OR1L8: variants seen among roughly 807,000 people sequenced by gnomAD.
OR1L8 encodes the protein olfactory receptor family 1 subfamily L member 8.
For missense variants in OR1L8, 330 were observed against 377.4 expected (o/e 0.87, Z 1.04); for synonymous variants, 148 against 147.0 (o/e 1.01, Z -0.05).
intron 1 of OR1L8, among the ~76,000 whole-genome samples, chr9:122,582,842 T>C (rs1035394391): frequency 2.0e-5 from 3 of 151,996 alleles, no homozygotes; most frequent in Admixed American, 6.6e-5. Flanking sequence ...GGAGTACATA[T>C]ATATGAGAAC....
downstream of OR1L8, among the ~76,000 whole-genome samples, chr9:122,566,955 G>C (rs1411731866): frequency 6.6e-6 from 1 of 151,934 alleles, no homozygotes; most frequent in African/African-American, 2.4e-5. Flanking sequence ...TAAAATATAA[G>C]AGGAAATTAA....
chr9:122,581,307 A>G (rs1250663552), intron 1 of OR1L8, among the ~76,000 whole-genome samples: 1 of 152,122 alleles, frequency 6.6e-6, no homozygotes, highest in African/African-American at 2.4e-5. Flanking sequence ...CGGCGGTTGT[A>G]GTGAGCCGAG....
At chr9:122,573,710 G>A (rs1024648633) in intron 3 of OR1L8, among the ~76,000 whole-genome samples, 10 of 152,142 alleles carry the variant, frequency 6.6e-5, no homozygotes, top group Middle Eastern at 3.4e-3. Flanking sequence ...TTATTCTCTT[G>A]ACAGTGACTT....
the OR1L8 span, chr9:122,553,251 G>A: frequency 6.2e-7 from 1 of 1,613,888 alleles, no homozygotes; most frequent in Non-Finnish European, 8.5e-7. Flanking sequence ...CACTGTTTCA[G>A]ACTTCCTCCT....
chr9:122,565,190 G>A (rs1447803891), downstream of OR1L8, among the ~76,000 whole-genome samples: 1 of 152,148 alleles, frequency 6.6e-6, no homozygotes, highest in African/African-American at 2.4e-5. Flanking sequence ...ACACATTCTG[G>A]GTGATCAGGG....
At chr9:122,577,753 A>G (rs1185749597) in intron 2 of OR1L8, among the ~76,000 whole-genome samples, 2 of 152,204 alleles carry the variant, frequency 1.3e-5, no homozygotes, top group Non-Finnish European at 2.9e-5. Flanking sequence ...CACTTTAAGA[A>G]ATTTATCCAA....
the OR1L8 span, among the ~76,000 whole-genome samples, chr9:122,559,129 A>C: frequency 6.6e-6 from 1 of 152,032 alleles, no homozygotes; most frequent in Non-Finnish European, 1.5e-5. Flanking sequence ...GCTTTTGTAC[A>C]ATAGAACACC....
rs1283602132 is a variant in OR1L8, at chr9:122,567,523, T to TAG, written c.*24_*25insCT. 2 of 1,499,732 alleles carry TAG rather than the reference T, an allele frequency of 1.3e-6. No individual in the cohort carries two copies. Among genetic ancestry groups the TAG allele is most frequent in the East Asian group, 2.3e-5 (1 of 44,312 alleles). The allele number at this position is 1,499,732 out of a possible 1,614,324, so 92.9% of individuals were successfully genotyped here. ...ACGTCCAAGTTGAGCAGATTCCACT[T>TAG]ACGAGTTTTTCAAGAGGGTGCTTCC... On this transcript the variant is annotated 3_prime_UTR_variant, in exon 5 of 5. Transcript: ENST00000641027.
chr9:122,555,877 T>A, the OR1L8 span, among the ~76,000 whole-genome samples: 1 of 152,184 alleles, frequency 6.6e-6, no homozygotes, highest in Non-Finnish European at 1.5e-5. Context: ...CACTGACACA[T>A]CATCACCCAA....
Position 122,568,496 on chromosome 9 carries a change from A to T in OR1L8, c.-19T>A. ...TTTCCATTGACTTGGGCTCAGTTAT[A>T]AACAAGAAGTTTTGTCATTTAACAT... On this transcript the variant is annotated 5_prime_UTR_variant, in exon 5 of 5. An upstream open reading frame in the 5' UTR gains an earlier in-frame stop. Coordinates refer to ENST00000641027, the MANE Select transcript of OR1L8 (RefSeq NM_001004454.2). The T allele has an allele frequency of 6.9e-7, 1 of 1,458,112 alleles. No individual in the cohort carries two copies. Among genetic ancestry groups the T allele is most frequent in the Non-Finnish European group, 9.3e-7 (1 of 1,072,512 alleles). 90.3% of individuals were successfully genotyped at this position (1,458,112 alleles called of 1,614,324 possible).
Position 122,571,648 on chromosome 9 carries a change from G to A in OR1L8, c.-213+1132C>T, listed in dbSNP as rs151045230. ...GAAGAATCGCTTGAACCCGGGAGGC[G>A]GAGGTTGCAGTGAGCCAAGATTGCA... On this transcript the variant is annotated intron_variant, in intron 4 of 4. Coordinates refer to ENST00000641027, the MANE Select transcript of OR1L8 (RefSeq NM_001004454.2). 6.7e-3 allele frequency among the ~76,000 whole-genome samples: 1,018 copies of A among 151,752 alleles called. 13 individuals are homozygous for A. Among genetic ancestry groups the A allele is most frequent in the African/African-American group, 0.023 (969 of 41,320 alleles).
the OR1L8 span, among the ~76,000 whole-genome samples, chr9:122,547,474 T>A: frequency 6.6e-6 from 1 of 152,180 alleles, no homozygotes; most frequent in Non-Finnish European, 1.5e-5. Flanking sequence ...AGTGTAACTA[T>A]CACCAGAATA....
chr9:122,571,235 C>G (rs1829541914), intron 4 of OR1L8, among the ~76,000 whole-genome samples: 1 of 152,076 alleles, frequency 6.6e-6, no homozygotes, highest in South Asian at 2.1e-4. Context: ...TAATGAGGGA[C>G]TGGTCACAAT....
intron 2 of OR1L8, among the ~76,000 whole-genome samples, chr9:122,577,355 T>C (rs1002514561): frequency 1.3e-5 from 2 of 152,198 alleles, no homozygotes; most frequent in African/African-American, 4.8e-5. Context: ...ACAATAACTT[T>C]ACTTAGCCAA....
chr9:122,554,885 C>T, the OR1L8 span, among the ~76,000 whole-genome samples: 2 of 152,108 alleles, frequency 1.3e-5, no homozygotes, highest in Non-Finnish European at 2.9e-5. Flanking sequence ...CTACACCATC[C>T]GTTCTCTGAA....
rs146761828 is a variant in OR1L8, at chr9:122,567,662, G to A, written c.816C>T (p.His272=). ...QPPSTYAVKD[H]VATIVYTVLS... ...AAACTGTGTAAACAATTGTTGCCAC[G>A]TGGTCCTTGACAGCGTAGGTGGATG... Residue 272 remains histidine, a synonymous_variant, in exon 5 of 5, where the codon CAC becomes CAT. Transcript: ENST00000641027. The A allele has an allele frequency of 2.2e-4, 355 of 1,613,918 alleles. No individual in the cohort carries two copies. Among genetic ancestry groups the A allele is most frequent in the Non-Finnish European group, 2.6e-4 (309 of 1,179,930 alleles).
the OR1L8 span, chr9:122,553,792 A>G: frequency 3.0e-5 from 48 of 1,613,972 alleles, no homozygotes; most frequent in Admixed American, 6.2e-4. Context: ...GCCTGCTCAG[A>G]TACCCATGTA....
At chr9:122,559,255 T>G in the OR1L8 span, among the ~76,000 whole-genome samples, 33 of 152,266 alleles carry the variant, frequency 2.2e-4, no homozygotes, top group African/African-American at 7.7e-4. Context: ...TCTACTTCTA[T>G]GAAATCAACT....
rs974381616 is a variant in OR1L8, at chr9:122,568,637, TG to T, written c.-161del. 2 of 556,086 alleles carry T rather than the reference TG, an allele frequency of 3.6e-6. No individual in the cohort carries two copies. The allele number at this position is 556,086 out of a possible 1,614,324, so 34.4% of individuals were successfully genotyped here. Reference sequence around the variant, plus strand: ...GGCTTGTTCACCTCATGGTCCTTGATGGGGTCCTCCCTTCCCAAATCTATGG... The same window carrying T: ...GGCTTGTTCACCTCATGGTCCTTGATGGGTCCTCCCTTCCCAAATCTATGG... On this transcript the variant is annotated 5_prime_UTR_variant, in exon 5 of 5. The change creates a premature stop within an existing upstream ORF in the 5' untranslated region. Transcript: ENST00000641027.
Sources: allele counts gnomAD v4.1 joint callset (sites outside exome capture counted in the v4.1 genomes callset), GRCh38; gene constraint gnomAD v4.1.1; transcripts MANE v1.5; gene names NCBI Gene and HGNC (gene_info 2026-07-23, HGNC 2026-07-21).